STXBP5L: variants seen among roughly 807,000 people sequenced by gnomAD.
STXBP5L encodes the protein syntaxin binding protein 5L.
In STXBP5L, 65 loss-of-function variants were observed where a neutral mutation model predicts 144.5. That is an observed-to-expected ratio of 0.45 (90% confidence interval 0.37 to 0.55). The LOEUF is 0.55. Ranked by LOEUF, STXBP5L falls within the 20% of genes least tolerant of loss-of-function variation. STXBP5L has a pLI of 0.00. For missense variants in STXBP5L, 1,298 were observed against 1,405.5 expected (o/e 0.92, Z 1.22); for synonymous variants, 505 against 469.6 (o/e 1.08, Z -0.97).
At chr3:120,957,439 G>A (rs1938159932) in intron 3 of STXBP5L, among the ~76,000 whole-genome samples, 2 of 151,970 alleles carry the variant, frequency 1.3e-5, no homozygotes, top group South Asian at 2.1e-4. Context: ...TGTTGAAATT[G>A]ATTTGTGAGT....
At chr3:121,167,633 T>G (rs1186101595) in intron 9 of STXBP5L, among the ~76,000 whole-genome samples, 1 of 152,048 alleles carries the variant, frequency 6.6e-6, no homozygotes, top group Admixed American at 6.5e-5. Flanking sequence ...TCCAGATTGC[T>G]TCTCTCTGGG....
At chr3:121,377,596 G>T (rs9824168) in intron 20 of STXBP5L, among the ~76,000 whole-genome samples, 14,252 of 152,236 alleles carry the variant, frequency 0.094, 951 homozygotes, top group African/African-American at 0.18. Context: ...GGTCATTAGA[G>T]AAATGCAAAT....
intron 19 of STXBP5L, among the ~76,000 whole-genome samples, chr3:121,292,685 A>G (rs1364344259): frequency 2.0e-5 from 3 of 152,158 alleles, no homozygotes; most frequent in Non-Finnish European, 4.4e-5. Context: ...GTGGTATATC[A>G]TGGAATACTA....
chr3:121,361,764 C>T (rs2045719197), intron 20 of STXBP5L, among the ~76,000 whole-genome samples: 1 of 151,944 alleles, frequency 6.6e-6, no homozygotes, highest in Non-Finnish European at 1.5e-5. Flanking sequence ...TGAAAGGTCA[C>T]ATATCTCTCT....
chr3:121,060,269 T>G (rs1443695830), intron 5 of STXBP5L, among the ~76,000 whole-genome samples: 1 of 152,200 alleles, frequency 6.6e-6, no homozygotes, highest in Non-Finnish European at 1.5e-5. Context: ...TGTGATGGAT[T>G]ATGTTTATTG....
intron 3 of STXBP5L, among the ~76,000 whole-genome samples, chr3:120,984,978 G>A (rs923248676): frequency 6.6e-6 from 1 of 152,004 alleles, no homozygotes; most frequent in Non-Finnish European, 1.5e-5. Flanking sequence ...ATATTCATAT[G>A]TTGAACAATT....
intron 10 of STXBP5L, among the ~76,000 whole-genome samples, chr3:121,211,692 C>T (rs1347066315): frequency 1.3e-5 from 2 of 150,060 alleles, no homozygotes; most frequent in African/African-American, 4.9e-5. Context: ...GATTCTCCTG[C>T]CCCAGCGTCC....
chr3:121,236,136 G>C (rs1392838777), intron 12 of STXBP5L, among the ~76,000 whole-genome samples: 3 of 152,106 alleles, frequency 2.0e-5, no homozygotes, highest in African/African-American at 7.2e-5. Flanking sequence ...GTAGGCTTGA[G>C]GATATGAAAG....
intron 5 of STXBP5L, among the ~76,000 whole-genome samples, chr3:121,065,679 A>T (rs2041509356): frequency 6.6e-6 from 1 of 152,182 alleles, no homozygotes; most frequent in Non-Finnish European, 1.5e-5. Context: ...AGTATCTGGA[A>T]TATCTGGAAC....
intron 3 of STXBP5L, among the ~76,000 whole-genome samples, chr3:121,024,053 T>C (rs1011152797): frequency 6.6e-5 from 10 of 152,070 alleles, no homozygotes; most frequent in African/African-American, 2.4e-4. Flanking sequence ...CCACCGTGCC[T>C]GGCCTAAAAA....
chr3:121,319,115 T>C (rs1340524648), intron 20 of STXBP5L, among the ~76,000 whole-genome samples: 1 of 152,144 alleles, frequency 6.6e-6, no homozygotes, highest in Non-Finnish European at 1.5e-5. Context: ...TAACAGTTAT[T>C]TTTGGGTGGT....
intron 9 of STXBP5L, among the ~76,000 whole-genome samples, chr3:121,183,099 T>G (rs2047225017): frequency 6.6e-6 from 1 of 152,046 alleles, no homozygotes; most frequent in Non-Finnish European, 1.5e-5. Context: ...AGCATCCCAT[T>G]AATATGAAAA....
chr3:121,121,325 AT>A (rs1254215746), intron 6 of STXBP5L, among the ~76,000 whole-genome samples: 5 of 151,466 alleles, frequency 3.3e-5, no homozygotes, highest in African/African-American at 1.2e-4. Flanking sequence ...ATCTATGTAA[AT>A]AAAAATTCAA....
At chr3:121,261,424 A>G (rs1042029026) in intron 18 of STXBP5L, among the ~76,000 whole-genome samples, 1 of 152,208 alleles carries the variant, frequency 6.6e-6, no homozygotes, top group Non-Finnish European at 1.5e-5. Context: ...ATCTCATTTT[A>G]TGGCCAACAT....
chr3:120,965,709 T>G (rs1939484812), intron 3 of STXBP5L, among the ~76,000 whole-genome samples: 1 of 152,166 alleles, frequency 6.6e-6, no homozygotes, highest in African/African-American at 2.4e-5. Context: ...GCCCTTAACA[T>G]TTTTTCCTTC....
chr3:121,242,470 G>A (rs1361451085), intron 14 of STXBP5L, among the ~76,000 whole-genome samples: 1 of 152,084 alleles, frequency 6.6e-6, no homozygotes, highest in South Asian at 2.1e-4. Context: ...GTGATAAGTT[G>A]TGGTACAATG....
chr3:121,272,307 A>T lies in STXBP5L; in HGVS notation c.1959-7498A>T, dbSNP rs544053655. On this transcript the variant is annotated intron_variant, in intron 18 of 26. Coordinates refer to ENST00000471454, the MANE Select transcript of STXBP5L (RefSeq NM_001308330.2). ...TTGCTTTACATATTTAGGTATTCTG[A>T]TATTGGGCACATATGTATTCATAGT... Among the ~76,000 whole-genome samples the T allele has an allele frequency of 8.5e-4, 130 of 152,194 alleles. No homozygotes were observed. In the Middle Eastern group the frequency reaches 0.014, roughly 16 times the overall value.
intron 19 of STXBP5L, among the ~76,000 whole-genome samples, chr3:121,287,786 G>A (rs956500868): frequency 6.6e-6 from 1 of 151,254 alleles, no homozygotes; most frequent in Non-Finnish European, 1.5e-5. Flanking sequence ...CCGAGATCGC[G>A]CCACTGCACT....
rs542064631 is a variant in STXBP5L at position 121,041,813 on chromosome 3, A to C, written c.369+32A>C. ...ATTATTTTTTGACTACTTAAATCAC[A>C]CACTCCCCCACTACACAGTGAATCA... On this transcript the variant is annotated intron_variant, in intron 4 of 26. Transcript: ENST00000471454. 485 of 1,356,958 alleles carry C rather than the reference A, an allele frequency of 3.6e-4. 6 individuals are homozygous for C. In the South Asian group the frequency reaches 4.7e-3, roughly 13 times the overall value. 84.1% of individuals were successfully genotyped at this position (1,356,958 alleles called of 1,614,324 possible).
Sources: allele counts gnomAD v4.1 joint callset (sites outside exome capture counted in the v4.1 genomes callset), GRCh38; gene constraint gnomAD v4.1.1; transcripts MANE v1.5; gene names NCBI Gene and HGNC (gene_info 2026-07-23, HGNC 2026-07-21).